EPM2A: variants seen among roughly 807,000 people sequenced by gnomAD.
EPM2A encodes EPM2A glucan phosphatase, laforin.
EPM2A carries 21 observed loss-of-function variants against 26.5 expected under a neutral mutation model. That is an observed-to-expected ratio of 0.79 (90% confidence interval 0.56 to 1.14). The LOEUF (loss-of-function observed/expected upper bound fraction) is 1.14, where lower values mean the gene tolerates loss of function less well. Among genes scored for constraint, EPM2A ranks in the 50% most tolerant of loss-of-function variants. EPM2A has a pLI of 0.00. For missense variants in EPM2A, 458 were observed against 440.8 expected (o/e 1.04, Z -0.35); for synonymous variants, 217 against 177.6 (o/e 1.22, Z -1.76).
chr6:145,731,239 A>G (rs888570055), intron 1 of EPM2A, among the ~76,000 whole-genome samples: 8 of 152,184 alleles, frequency 5.3e-5, no homozygotes, highest in Non-Finnish European at 1.0e-4. Context: ...GCCAAATTAC[A>G]CAGTATTCCA....
At chr6:145,386,809 T>G (rs959807517) in intron 4 of EPM2A, among the ~76,000 whole-genome samples, 6 of 152,206 alleles carry the variant, frequency 3.9e-5, no homozygotes, top group Admixed American at 6.5e-5. Flanking sequence ...CAGATAATCT[T>G]AAACCAAATT....
At chr6:145,669,568 T>A (rs1473447394) in intron 2 of EPM2A, among the ~76,000 whole-genome samples, 1 of 152,178 alleles carries the variant, frequency 6.6e-6, no homozygotes, top group Non-Finnish European at 1.5e-5. Flanking sequence ...AGACCTTCCA[T>A]AATGGTTCAC....
At chr6:145,531,706 A>G (rs1780357585) in intron 2 of EPM2A, among the ~76,000 whole-genome samples, 1 of 152,142 alleles carries the variant, frequency 6.6e-6, no homozygotes, top group Admixed American at 6.5e-5. Flanking sequence ...ACCCTGCAGG[A>G]CCTACAGCCC....
At chr6:145,506,845 A>G (rs1779982394) in intron 2 of EPM2A, among the ~76,000 whole-genome samples, 2 of 152,126 alleles carry the variant, frequency 1.3e-5, no homozygotes, top group African/African-American at 2.4e-5. Context: ...AGACTGGCCC[A>G]CTCTTCAGTT....
intron 2 of EPM2A, among the ~76,000 whole-genome samples, chr6:145,648,848 T>A (rs564725200): frequency 2.6e-5 from 4 of 152,286 alleles, no homozygotes; most frequent in African/African-American, 7.2e-5. Context: ...TGAAAAAAAA[T>A]TCTACCTTTA....
At position 145,625,702 on chromosome 6, in the gene EPM2A, G is replaced by A. The variant is rs1288519658; in HGVS notation, c.*1714C>T. 3 of 790,582 alleles carry A rather than the reference G, an allele frequency of 3.8e-6. No homozygotes were observed. The highest frequency in any genetic ancestry group is 7.0e-6 in the Non-Finnish European group (3 of 431,362). 49.0% of individuals were successfully genotyped at this position (790,582 alleles called of 1,614,324 possible). A position where few individuals can be genotyped will look rare whatever the true frequency, so the allele number is the denominator to read the frequency against. ...AAATTTAACTTTGTAAAATTATAGT[G>A]GAAATGTGTCCTGGCTAGCTGCCTC... On this transcript the variant is annotated 3_prime_UTR_variant, in exon 4 of 4. Coordinates refer to ENST00000367519, the MANE Select transcript of EPM2A (RefSeq NM_005670.4).
chr6:145,600,900 T>A (rs1033208873), intron 2 of EPM2A, among the ~76,000 whole-genome samples: 2 of 152,176 alleles, frequency 1.3e-5, no homozygotes, highest in African/African-American at 2.4e-5. Flanking sequence ...GGGCACAGAG[T>A]TCTGACAGCA....
At chr6:145,653,808 CTGAT>C (rs1778062918) in intron 2 of EPM2A, among the ~76,000 whole-genome samples, 1 of 152,176 alleles carries the variant, frequency 6.6e-6, no homozygotes, top group South Asian at 2.1e-4. Context: ...GGAGTGTACT[CTGAT>C]TGAATCAAAG....
At chr6:145,546,790 T>A (rs1445902503) in intron 2 of EPM2A, among the ~76,000 whole-genome samples, 3 of 152,142 alleles carry the variant, frequency 2.0e-5, no homozygotes, top group African/African-American at 7.2e-5. Flanking sequence ...TATTCCCATA[T>A]ATAAGATTGT....
At position 145,402,307 on chromosome 6, in the gene EPM2A, C is replaced by T. The variant is rs9497294; in HGVS notation, c.556-18210G>A. 6.0e-3 allele frequency among the ~76,000 whole-genome samples: 914 copies of T among 152,194 alleles called. 6 individuals are homozygous for T. The highest frequency in any genetic ancestry group is 0.021 in the African/African-American group (876 of 41,546). ...TGTAAGTTGAATCTAATTATGAAGA[C>T]ACTTCAGCAGAACTCAAATGAAGGG... On this transcript the variant is annotated intron_variant, in intron 4 of 4. Transcript: ENST00000638717.
At chr6:145,502,265 G>C (rs912682359) in intron 3 of EPM2A, among the ~76,000 whole-genome samples, 1 of 152,216 alleles carries the variant, frequency 6.6e-6, no homozygotes, top group Non-Finnish European at 1.5e-5. Context: ...CTTGTCCTGG[G>C]TTTCCAGCTA....
chr6:145,659,535 C>A (rs898198356), intron 2 of EPM2A, among the ~76,000 whole-genome samples: 2 of 151,852 alleles, frequency 1.3e-5, no homozygotes, highest in Non-Finnish European at 2.9e-5. Flanking sequence ...AATAATTGTT[C>A]CTTAAAATTA....
chr6:145,430,082 C>G (rs1028556297), intron 4 of EPM2A, among the ~76,000 whole-genome samples: 1 of 151,796 alleles, frequency 6.6e-6, no homozygotes, highest in African/African-American at 2.4e-5. Flanking sequence ...ATCCCAGCTA[C>G]TCGGAAGGCT....
intron 2 of EPM2A, among the ~76,000 whole-genome samples, chr6:145,509,482 C>T (rs1780023863): frequency 6.6e-6 from 1 of 152,136 alleles, no homozygotes; most frequent in Non-Finnish European, 1.5e-5. Flanking sequence ...TCATATTCCA[C>T]CAAACTAAGC....
chr6:145,683,689 C>T (rs542766506), intron 2 of EPM2A, among the ~76,000 whole-genome samples: 4 of 152,068 alleles, frequency 2.6e-5, no homozygotes, highest in South Asian at 2.1e-4. Context: ...GAGAGGTGTA[C>T]CCCACAACAG....
intron 1 of EPM2A, among the ~76,000 whole-genome samples, chr6:145,709,475 T>C (rs1005091958): frequency 6.6e-6 from 1 of 152,172 alleles, no homozygotes; most frequent in African/African-American, 2.4e-5. Flanking sequence ...CTGCACACAC[T>C]CTCTGGCCCG....
chr6:145,526,507 C>T (rs1405196544), intron 2 of EPM2A, among the ~76,000 whole-genome samples: 3 of 151,782 alleles, frequency 2.0e-5, no homozygotes, highest in African/African-American at 7.3e-5. Flanking sequence ...CAATTTCTCC[C>T]CCATTCAGTC....
intron 4 of EPM2A, among the ~76,000 whole-genome samples, chr6:145,462,220 A>T (rs1364656565): frequency 2.6e-5 from 4 of 152,190 alleles, no homozygotes; most frequent in Non-Finnish European, 4.4e-5. Context: ...AGATATTTCC[A>T]GGAGTGTCAG....
intron 2 of EPM2A, among the ~76,000 whole-genome samples, chr6:145,681,905 C>A (rs183606311): frequency 6.6e-6 from 1 of 152,220 alleles, no homozygotes. Flanking sequence ...TATTTTCATA[C>A]CCCATGTTCA....
Sources: allele counts gnomAD v4.1 joint callset (sites outside exome capture counted in the v4.1 genomes callset), GRCh38; gene constraint gnomAD v4.1.1; transcripts MANE v1.5; gene names NCBI Gene and HGNC (gene_info 2026-07-23, HGNC 2026-07-21).